The following ROBO1 variants were observed in gnomAD, a reference collection of about 807,000 sequenced individuals.
The protein encoded by ROBO1 is roundabout homolog 1.
In ROBO1, 149 loss-of-function variants were observed where a neutral mutation model predicts 195.9. The observed-to-expected ratio is 0.76, with a 90% CI of 0.67 to 0.87. The LOEUF (loss-of-function observed/expected upper bound fraction) is 0.87, where lower values mean the gene tolerates loss of function less well. ROBO1 is among the 40% of genes least tolerant of loss of function. The probability of loss-of-function intolerance (pLI) is 0.00; values close to 1 mark genes in which losing one functional copy is unlikely to be tolerated. For synonymous variants in ROBO1, 816 were observed against 733.2 expected, an observed-to-expected ratio of 1.11 and a Z score of -1.82; for missense variants, 1,933 against 2,068.3, an observed-to-expected ratio of 0.93 and a Z score of 1.27.
chr3:79,162,913 A>T (rs2080997953), intron 2 of ROBO1, among the ~76,000 whole-genome samples: 1 of 152,086 alleles, frequency 6.6e-6, no homozygotes, highest in Admixed American at 6.6e-5. Flanking sequence ...TGAACTAAAA[A>T]ATCATATGTT....
intron 2 of ROBO1, among the ~76,000 whole-genome samples, chr3:79,477,662 G>T (rs545683643): frequency 1.3e-5 from 2 of 152,092 alleles, no homozygotes; most frequent in Non-Finnish European, 2.9e-5. Flanking sequence ...ATTTACCATA[G>T]GATTTGGGCA....
At chr3:78,675,237 G>A (rs937826131) in intron 10 of ROBO1, among the ~76,000 whole-genome samples, 2 of 151,824 alleles carry the variant, frequency 1.3e-5, no homozygotes, top group African/African-American at 4.8e-5. Context: ...CAGCGTGAGC[G>A]ACGCAGAAGA....
At chr3:78,840,163 A>C (rs1359883669) in intron 4 of ROBO1, among the ~76,000 whole-genome samples, 1 of 152,208 alleles carries the variant, frequency 6.6e-6, no homozygotes, top group Non-Finnish European at 1.5e-5. Context: ...AATCACAATG[A>C]GGGCCAAAAT....
At chr3:79,089,164 T>C (rs909350729) in intron 3 of ROBO1, among the ~76,000 whole-genome samples, 3 of 152,158 alleles carry the variant, frequency 2.0e-5, no homozygotes, top group South Asian at 2.1e-4. Context: ...AATTTCCTTA[T>C]ACATTTTGAG....
At chr3:79,018,820 A>C in intron 3 of ROBO1, 13 of 1,021,890 alleles carry the variant, frequency 1.3e-5, no homozygotes, top group East Asian at 8.3e-5. Context: ...CGCCCCCACA[A>C]TGTGCGGCCG....
Position 79,550,195 on chromosome 3 carries a change from G to GAAAGAAAGAAAGGAAAGAAA in ROBO1, c.88+39628_88+39629insTTTCTTTCCTTTCTTTCTTT. Reference sequence around the variant, plus strand: ...AGAAAGAAAGAAAGAAAGAAAGAAAGGAAAAGAAAAGAAAAGAAAAGAAAA... The same window carrying GAAAGAAAGAAAGGAAAGAAA: ...AGAAAGAAAGAAAGAAAGAAAGAAAGAAAGAAAGAAAGGAAAGAAAGAAAAGAAAAGAAAAGAAAAGAAAA... On this transcript the variant is annotated intron_variant, in intron 2 of 30. Transcript: ENST00000464233. Among the ~76,000 whole-genome samples, 196 of 100,836 alleles carry GAAAGAAAGAAAGGAAAGAAA rather than the reference G, an allele frequency of 1.9e-3. 11 individuals are homozygous for GAAAGAAAGAAAGGAAAGAAA. The highest frequency in any genetic ancestry group is 2.4e-3 in the Admixed American group (25 of 10,242). 66.2% of individuals were successfully genotyped at this position (100,836 alleles called of 152,430 possible).
chr3:78,727,185 T>C (rs2082181434), intron 5 of ROBO1, among the ~76,000 whole-genome samples: 1 of 152,056 alleles, frequency 6.6e-6, no homozygotes, highest in Non-Finnish European at 1.5e-5. Context: ...ATCCCAAAAG[T>C]ATCATAGTAA....
chr3:79,185,637 T>C (rs919443980), intron 2 of ROBO1, among the ~76,000 whole-genome samples: 6 of 152,130 alleles, frequency 3.9e-5, no homozygotes, highest in Non-Finnish European at 7.4e-5. Flanking sequence ...GTTAGATCAG[T>C]GATGACAGGA....
At chr3:78,599,941 AT>A (rs1208922493) in intron 30 of ROBO1, 171 bp downstream of exon 30, 2 of 668,928 alleles carry the variant, frequency 3.0e-6, no homozygotes, top group Non-Finnish European at 5.3e-6. Flanking sequence ...TTTGGGACAC[AT>A]TTCAAGAAAA....
rs1180077059 is a variant in ROBO1 at position 78,634,050 on chromosome 3, T to C, written c.3374-8A>G. ...TGTCATTTGCTCGATAATCTAGACA[T>C]ATCAGATGAAAAAACAATAAACATT... On this transcript the variant is annotated splice_region_variant and splice_polypyrimidine_tract_variant and intron_variant, in intron 23 of 30. Coordinates refer to ENST00000464233, the MANE Select transcript of ROBO1 (RefSeq NM_002941.4). 3 of 1,554,082 alleles carry C rather than the reference T, an allele frequency of 1.9e-6. No homozygotes were observed. The highest frequency in any genetic ancestry group is 2.3e-5 in the South Asian group (2 of 87,654).
intron 1 of ROBO1, among the ~76,000 whole-genome samples, chr3:79,655,869 T>C (rs1284965278): frequency 6.6e-6 from 1 of 152,100 alleles, no homozygotes; most frequent in African/African-American, 2.4e-5. Context: ...AGGTTCTTAT[T>C]TGATGTACTA....
intron 8 of ROBO1, among the ~76,000 whole-genome samples, chr3:78,690,906 A>C (rs2081158908): frequency 6.6e-6 from 1 of 152,076 alleles, no homozygotes; most frequent in Admixed American, 6.6e-5. Flanking sequence ...TTCTCCTCAA[A>C]CCTCAAAGAC....
chr3:79,134,067 C>A (rs1485757672), intron 2 of ROBO1, among the ~76,000 whole-genome samples: 1 of 148,434 alleles, frequency 6.7e-6, no homozygotes, highest in Non-Finnish European at 1.5e-5. Flanking sequence ...AGCTTCTGCA[C>A]AGCAAAAGAA....
intron 4 of ROBO1, among the ~76,000 whole-genome samples, chr3:78,878,606 A>AC (rs2035997200): frequency 1.3e-5 from 2 of 151,124 alleles, no homozygotes; most frequent in South Asian, 2.1e-4. Context: ...AAAAAAAAAA[A>AC]AACTGCATAA....
Position 79,254,850 on chromosome 3 carries a change from G to A in ROBO1, c.89-129311C>T, listed in dbSNP as rs531675240. 5.3e-5 allele frequency among the ~76,000 whole-genome samples: 8 copies of A among 152,202 alleles called. No homozygotes were observed. In the East Asian group the frequency reaches 1.4e-3, roughly 26 times the overall value. Reference sequence around the variant, plus strand: ...GATCCTCCTCAGTTCTCAGAGCTGTGTCTAGCATATTCTGGTAACTTTATA... The same window carrying A: ...GATCCTCCTCAGTTCTCAGAGCTGTATCTAGCATATTCTGGTAACTTTATA... On this transcript the variant is annotated intron_variant, in intron 2 of 30. Coordinates refer to ENST00000464233, the MANE Select transcript of ROBO1 (RefSeq NM_002941.4).
chr3:79,685,903 G>A (rs1464870506), intron 1 of ROBO1, among the ~76,000 whole-genome samples: 1 of 152,012 alleles, frequency 6.6e-6, no homozygotes, highest in East Asian at 1.9e-4. Flanking sequence ...CCAAAGCCTG[G>A]CAGAGACAAC....
intron 4 of ROBO1, among the ~76,000 whole-genome samples, chr3:78,901,120 A>G (rs2037556933): frequency 6.6e-6 from 1 of 152,210 alleles, no homozygotes; most frequent in Non-Finnish European, 1.5e-5. Flanking sequence ...GCAGTATGCA[A>G]TTTTGCACAC....
At chr3:79,535,888 T>A (rs111983098) in intron 2 of ROBO1, among the ~76,000 whole-genome samples, 1 of 152,108 alleles carries the variant, frequency 6.6e-6, no homozygotes, top group African/African-American at 2.4e-5. Flanking sequence ...AGAGGTTTTT[T>A]TTTGTTTGTT....
At chr3:79,510,394 G>A (rs1940639299) in intron 2 of ROBO1, among the ~76,000 whole-genome samples, 1 of 152,130 alleles carries the variant, frequency 6.6e-6, no homozygotes, top group South Asian at 2.1e-4. Flanking sequence ...ATGGAACTGT[G>A]AGTCAATTAA....
Sources: allele counts gnomAD v4.1 joint callset (sites outside exome capture counted in the v4.1 genomes callset), GRCh38; gene constraint gnomAD v4.1.1; transcripts MANE v1.5; gene names NCBI Gene and HGNC (gene_info 2026-07-23, HGNC 2026-07-21).